The following SCARA5 variants were observed in gnomAD, a reference collection of about 807,000 sequenced individuals.
SCARA5 encodes the protein scavenger receptor class A member 5.
In SCARA5, 45 loss-of-function variants were observed where a neutral mutation model predicts 46.3. The observed-to-expected ratio is 0.97, with a 90% CI of 0.76 to 1.24. The LOEUF is 1.24. Among genes scored for constraint, SCARA5 ranks in the 50% most tolerant of loss-of-function variants. The pLI is 0.00. For missense variants in SCARA5, 680 were observed against 689.0 expected (o/e 0.99, Z 0.15); for synonymous variants, 333 against 306.5 (o/e 1.09, Z -0.90).
At chr8:27,984,775 T>TCATTCATCCATCCATTCACC (rs1380668185) in intron 2 of SCARA5, among the ~76,000 whole-genome samples, 1 of 152,196 alleles carries the variant, frequency 6.6e-6, no homozygotes, top group Non-Finnish European at 1.5e-5. Context: ...ATCCATTCAT[T>TCATTCATCCATCCATTCACC]CATTCATCCA....
At chr8:27,965,673 C>G (rs1048852457) in intron 3 of SCARA5, among the ~76,000 whole-genome samples, 3 of 152,244 alleles carry the variant, frequency 2.0e-5, no homozygotes, top group Non-Finnish European at 4.4e-5. Flanking sequence ...GATCTCTCAG[C>G]CTTACTTGCG....
At chr8:27,950,018 T>G (rs922140336) in intron 3 of SCARA5, among the ~76,000 whole-genome samples, 1 of 152,146 alleles carries the variant, frequency 6.6e-6, no homozygotes, top group African/African-American at 2.4e-5. Flanking sequence ...CTAGGGAGGC[T>G]CAGTAATGTG....
At chr8:27,906,449 G>A (rs568891285) in intron 6 of SCARA5, among the ~76,000 whole-genome samples, 8 of 152,334 alleles carry the variant, frequency 5.3e-5, no homozygotes, top group Non-Finnish European at 1.5e-5. Flanking sequence ...TGTAAATCCT[G>A]GGGGAATAAA....
At chr8:27,931,706 C>A (rs1275061708) in intron 3 of SCARA5, among the ~76,000 whole-genome samples, 1 of 152,090 alleles carries the variant, frequency 6.6e-6, no homozygotes, top group African/African-American at 2.4e-5. Flanking sequence ...CTCTGTCACC[C>A]AGGCAGTGCA....
At chr8:27,893,481 CCAGGCAAAG>C (rs1171674792) in intron 7 of SCARA5, among the ~76,000 whole-genome samples, 3 of 152,122 alleles carry the variant, frequency 2.0e-5, no homozygotes, top group Non-Finnish European at 2.9e-5. Flanking sequence ...AAGCAAGGTC[CCAGGCAAAG>C]CAGGCTGAGT....
chr8:27,981,667 C>T (rs983859098), intron 2 of SCARA5, among the ~76,000 whole-genome samples: 1 of 152,240 alleles, frequency 6.6e-6, no homozygotes, highest in African/African-American at 2.4e-5. Context: ...ACATCCAGCC[C>T]TGACACACTG....
chr8:27,943,544 G>T (rs1259064500), intron 3 of SCARA5, among the ~76,000 whole-genome samples: 2 of 152,218 alleles, frequency 1.3e-5, no homozygotes, highest in African/African-American at 4.8e-5. Flanking sequence ...TCTCCAAGGG[G>T]TTGGGGAGAA....
chr8:27,986,715 G>A (rs1808710789), intron 2 of SCARA5, among the ~76,000 whole-genome samples: 1 of 152,204 alleles, frequency 6.6e-6, no homozygotes. Flanking sequence ...TTGCTCTTGA[G>A]TAATTTCAAG....
chr8:27,978,024 GTTTT>G (rs11357387), intron 2 of SCARA5, among the ~76,000 whole-genome samples: 77 of 106,636 alleles, frequency 7.2e-4, no homozygotes, highest in African/African-American at 2.4e-3. Flanking sequence ...TGTGTCTTTT[GTTTT>G]TTTTTTTTTT....
chr8:27,986,743 G>C (rs1808711001), intron 2 of SCARA5, among the ~76,000 whole-genome samples: 1 of 152,208 alleles, frequency 6.6e-6, no homozygotes, highest in Non-Finnish European at 1.5e-5. Context: ...TGGCAGAGTG[G>C]AGCAAAACAA....
intron 3 of SCARA5, among the ~76,000 whole-genome samples, chr8:27,952,782 C>T (rs1808149148): frequency 6.6e-6 from 1 of 152,220 alleles, no homozygotes; most frequent in African/African-American, 2.4e-5. Flanking sequence ...TAGCGAAACA[C>T]TGTGAGACAG....
At chr8:27,932,944 C>G (rs1362792539) in intron 3 of SCARA5, among the ~76,000 whole-genome samples, 1 of 152,224 alleles carries the variant, frequency 6.6e-6, no homozygotes, top group East Asian at 1.9e-4. Context: ...CCTTCTGATT[C>G]TTATAAGGAC....
intron 8 of SCARA5, among the ~76,000 whole-genome samples, chr8:27,875,181 C>G (rs58211320): frequency 0.47 from 69,265 of 146,904 alleles, 16,466 homozygotes; most frequent in Middle Eastern, 0.6. Flanking sequence ...GTTCCTCCCT[C>G]CCTCCCTCCC....
intron 4 of SCARA5, among the ~76,000 whole-genome samples, chr8:27,920,263 A>G (rs11780479): frequency 0.36 from 54,502 of 151,898 alleles, 9,992 homozygotes; most frequent in African/African-American, 0.39. Context: ...TTGAGGCCAG[A>G]AGTTCAAGAC....
At position 27,872,052 on chromosome 8, in the gene SCARA5, A is replaced by T. The variant is rs1461618242; in HGVS notation, c.1370T>A (p.Met457Lys). 6.2e-7 allele frequency: 1 copy of T among 1,614,264 alleles called. No individual in the cohort carries two copies. The highest frequency in any genetic ancestry group is 8.5e-7 in the Non-Finnish European group (1 of 1,180,050). Reference sequence around the variant, plus strand: ...TGTGCCCTTGCAGGCAACGTCATCCATCCAGATCCTCCCAGTGCCTGTGGA... The same window carrying T: ...TGTGCCCTTGCAGGCAACGTCATCCTTCCAGATCCTCCCAGTGCCTGTGGA... ...RFGQGTGRIW[M>K]DDVACKGTEE... Residue 457 changes from methionine to lysine, a missense_variant, in exon 9 of 9, where the codon ATG becomes AAG. Around this residue, in one of 3 missense-constraint regions of SCARA5, gnomAD observed 219 missense variants for 269.5 expected, o/e 0.81. Coordinates refer to ENST00000354914, the MANE Select transcript of SCARA5 (RefSeq NM_173833.6).
chr8:27,964,756 C>A (rs376725470), intron 3 of SCARA5, among the ~76,000 whole-genome samples: 1 of 152,082 alleles, frequency 6.6e-6, no homozygotes. Flanking sequence ...AGACGATGCC[C>A]TTCCAGGACC....
intron 2 of SCARA5, among the ~76,000 whole-genome samples, chr8:27,976,824 T>C (rs1808531247): frequency 6.6e-6 from 1 of 152,104 alleles, no homozygotes; most frequent in Non-Finnish European, 1.5e-5. Flanking sequence ...AGGATGGGGA[T>C]GAGGCGCCCT....
At chr8:27,883,818 T>C (rs1019393102) in intron 7 of SCARA5, among the ~76,000 whole-genome samples, 1 of 151,702 alleles carries the variant, frequency 6.6e-6, no homozygotes, top group Non-Finnish European at 1.5e-5. Flanking sequence ...CCATGTGAAC[T>C]GCCAGAGAAA....
rs73668279 is a variant in SCARA5, at chr8:27,929,216, C to A, written c.242-6971G>T. ...GCTTGCCCCTGCACATCCACTGCGA[C>A]CTTCTCATCTGCACAGCACTGCCTC... On this transcript the variant is annotated intron_variant, in intron 3 of 8. Coordinates refer to ENST00000354914, the MANE Select transcript of SCARA5 (RefSeq NM_173833.6). Among the ~76,000 whole-genome samples, 731 of 152,310 alleles carry A rather than the reference C, an allele frequency of 4.8e-3. 7 individuals are homozygous for A. The highest frequency in any genetic ancestry group is 0.017 in the African/African-American group (703 of 41,568).
Sources: allele counts gnomAD v4.1 joint callset (sites outside exome capture counted in the v4.1 genomes callset), GRCh38; gene constraint gnomAD v4.1.1; regional missense constraint gnomAD v4.1.1; transcripts MANE v1.5; gene names NCBI Gene and HGNC (gene_info 2026-07-23, HGNC 2026-07-21).